SLC6A9: variants seen among roughly 807,000 people sequenced by gnomAD.
SLC6A9 encodes the protein solute carrier family 6 member 9.
A neutral mutation model predicts 70.9 loss-of-function variants in SLC6A9; 31 were observed. That is an observed-to-expected ratio of 0.44 (90% CI 0.33 to 0.59). The LOEUF is 0.59. Among genes scored for constraint, SLC6A9 ranks in the 20% least tolerant of loss-of-function variants. SLC6A9 has a pLI of 0.04. For missense variants in SLC6A9, 631 were observed against 845.2 expected (o/e 0.75, Z 3.14); for synonymous variants, 310 against 341.3 (o/e 0.91, Z 1.01).
intron 4 of SLC6A9, 49 bp downstream of exon 4, chr1:44,009,916 C>T: frequency 6.3e-7 from 1 of 1,596,758 alleles, no homozygotes; most frequent in Non-Finnish European, 8.5e-7. Context: ...CCCTCAGAGG[C>T]CGTTGTGTGT....
intron 2 of SLC6A9, chr1:44,016,916 T>C: frequency 5.6e-6 from 5 of 894,722 alleles, no homozygotes; most frequent in Non-Finnish European, 8.1e-6. Flanking sequence ...TTGGCTGGTG[T>C]CTGTCTTGCT....
intron 3 of SLC6A9, chr1:44,010,336 G>C: frequency 1.9e-6 from 1 of 522,226 alleles, no homozygotes; most frequent in Non-Finnish European, 3.4e-6. Context: ...CCATACTTGG[G>C]TGGGATTTGA....
chr1:43,997,458 G>A lies in SLC6A9; in HGVS notation c.*87C>T, dbSNP rs1261886085. The stretch of plus-strand genomic sequence containing the variant: ...CGTCCTGGCCAGGGCGTGGCAGGGG[G>A]CAGGCAGAGACACCTGGCCTCTGCC... On this transcript the variant is annotated 3_prime_UTR_variant, in exon 14 of 14. Transcript: ENST00000372310. This position sits in a 1 kb window ranked among gnomAD's most constrained non-coding sequence, Gnocchi z 4.4. 2.5e-6 allele frequency: 3 copies of A among 1,203,746 alleles called. No homozygotes were observed. The African/African-American group carries it at 4.6e-5, about 18-fold the overall frequency. 74.6% of individuals were successfully genotyped at this position (1,203,746 alleles called of 1,614,324 possible). A position where few individuals can be genotyped will look rare whatever the true frequency, so the allele number is the denominator to read the frequency against.
intron 2 of SLC6A9, among the ~76,000 whole-genome samples, chr1:44,021,608 T>C (rs6429644): frequency 0.27 from 40,492 of 152,174 alleles, 12,181 homozygotes; most frequent in African/African-American, 0.75. Context: ...AGGGCACAAA[T>C]AGAGCAGCAG....
In SLC6A9 at chr1:44,024,343, C is replaced by T. The variant is rs2086943189; in HGVS notation, c.-66G>A. 6.3e-7 allele frequency: 1 copy of T among 1,583,636 alleles called. No individual in the cohort carries two copies. On this transcript the variant is annotated 5_prime_UTR_variant, in exon 2 of 14. It removes the in-frame stop codon of an upstream open reading frame in the 5' UTR. Transcript: ENST00000372310. ...CACAGGCTCTGCTTCCAGCGCCTTT[C>T]AGGCCACAGATCTCAAGAGCTGTGG... is the stretch of plus-strand genomic sequence containing the variant.
chr1:44,014,404 G>A (rs2086672294), intron 2 of SLC6A9, among the ~76,000 whole-genome samples: 1 of 151,924 alleles, frequency 6.6e-6, no homozygotes, highest in South Asian at 2.1e-4. Context: ...AAGGAATGGA[G>A]GCTTTCCTTC....
At chr1:44,010,329 T>A in intron 3 of SLC6A9, 1 of 526,540 alleles carries the variant, frequency 1.9e-6, no homozygotes, top group Non-Finnish European at 3.4e-6. Context: ...AGAGCCTCCA[T>A]ACTTGGGTGG....
At chr1:44,012,490 A>C (rs534336534) in intron 2 of SLC6A9, among the ~76,000 whole-genome samples, 5 of 152,396 alleles carry the variant, frequency 3.3e-5, no homozygotes, top group African/African-American at 1.2e-4. Context: ...CACCCAGAGC[A>C]AATCAGTGGC....
rs2086940825 is a variant in SLC6A9 at position 44,024,238 on chromosome 1, CTG to C, written c.30+8_30+9del. ...CCCGTTCCTTCCCGCAGTCTGGCCTCTGTACTCACCAGCATCCCTTTGGCACC... is the reference window on the plus strand; with the variant it reads ...CCCGTTCCTTCCCGCAGTCTGGCCTCTACTCACCAGCATCCCTTTGGCACC... On this transcript the variant is annotated splice_region_variant and intron_variant, in intron 2 of 13. Transcript: ENST00000372310. The C allele has an allele frequency of 3.1e-6, 5 of 1,614,014 alleles. No individual in the cohort carries two copies. The South Asian group carries it at 5.5e-5, about 18-fold the overall frequency.
intron 5 of SLC6A9, among the ~76,000 whole-genome samples, 162 bp downstream of exon 5, chr1:44,008,191 C>T (rs113526782): frequency 0.013 from 1,962 of 152,294 alleles, 42 homozygotes; most frequent in African/African-American, 0.045. Flanking sequence ...GCTTTCTGTA[C>T]ATCAGGCTCT....
chr1:44,016,858 C>T (rs2086762846), intron 2 of SLC6A9, among the ~76,000 whole-genome samples: 1 of 152,298 alleles, frequency 6.6e-6, no homozygotes, highest in East Asian at 1.9e-4. Flanking sequence ...CACCACACAG[C>T]TAACTCTTCC....
chr1:44,006,879 T>C (rs928065165), intron 5 of SLC6A9, among the ~76,000 whole-genome samples: 3 of 152,314 alleles, frequency 2.0e-5, no homozygotes, highest in South Asian at 2.1e-4. Flanking sequence ...GTCAGAGTAC[T>C]TGGACCTGGG....
At chr1:44,007,841 T>C (rs1571870554) in intron 5 of SLC6A9, among the ~76,000 whole-genome samples, 2 of 152,000 alleles carry the variant, frequency 1.3e-5, no homozygotes, top group East Asian at 3.9e-4. Flanking sequence ...TCCTCACGGC[T>C]ACTCTGTAAA....
Position 44,002,493 on chromosome 1 carries a change from G to T in SLC6A9, c.858+19C>A, listed in dbSNP as rs777615104. ...CCTGGCCCCTCCCCAGCCCCCTTCC[G>T]GTTTCCCTCACTTCCCACCTTGGCC... On this transcript the variant is annotated intron_variant, in intron 7 of 13. Coordinates refer to ENST00000372310, the MANE Select transcript of SLC6A9 (RefSeq NM_001024845.3). The surrounding 1 kb of genome is among the most constrained non-coding windows in gnomAD (Gnocchi z 5.5). 1.2e-6 allele frequency: 2 copies of T among 1,613,876 alleles called. No homozygotes were observed. Among genetic ancestry groups the T allele is most frequent in the Non-Finnish European group, 1.7e-6 (2 of 1,179,948 alleles).
intron 12 of SLC6A9, among the ~76,000 whole-genome samples, chr1:43,999,103 C>T (rs555904994): frequency 4.6e-5 from 7 of 152,120 alleles, no homozygotes; most frequent in East Asian, 2.0e-4. Context: ...ACACTGCACA[C>T]GATGGGAGCT....
chr1:44,022,634 G>A (rs2086903915), intron 2 of SLC6A9, among the ~76,000 whole-genome samples: 1 of 151,818 alleles, frequency 6.6e-6, no homozygotes, highest in Non-Finnish European at 1.5e-5. Context: ...AACAGGGCCA[G>A]ATAGAAGATC....
chr1:44,008,402 G>A lies in SLC6A9; in HGVS notation c.541C>T (p.Leu181=). 4 of 1,614,114 alleles carry A rather than the reference G, an allele frequency of 2.5e-6. No individual in the cohort carries two copies. The highest frequency in any genetic ancestry group is 3.4e-6 in the Non-Finnish European group (4 of 1,179,946). ...GTCCTCTGGAGGCTGTGGTTGAGCA[G>A]GTGGGAGAGGTTGCTGGGCAAGGCG... The part of the protein sequence containing the change: ...PAALPSNLSH[L]LNHSLQRTSP... Residue 181 remains leucine, a synonymous_variant, in exon 5 of 14, where the codon CTG becomes TTG. Transcript: ENST00000372310.
In SLC6A9 at chr1:44,019,851, C is replaced by A. The variant is rs551865090; in HGVS notation, c.30+4397G>T. Among the ~76,000 whole-genome samples, 4 of 152,280 alleles carry A rather than the reference C, an allele frequency of 2.6e-5. No individual in the cohort carries two copies. In the East Asian group the frequency reaches 7.7e-4, roughly 29 times the overall value. ...TCCCCTGTGACTCTGGAGGGAAGGT[C>A]CCGCTGAGCTGGGACTGAGAAGTGC... On this transcript the variant is annotated intron_variant, in intron 2 of 13. Coordinates refer to ENST00000372310, the MANE Select transcript of SLC6A9 (RefSeq NM_001024845.3).
rs1486168949 is a variant in SLC6A9 at position 44,010,754 on chromosome 1, G to A, written c.159C>T (p.Phe53=). 6.2e-7 allele frequency: 1 copy of A among 1,614,012 alleles called. No individual in the cohort carries two copies. The highest frequency in any genetic ancestry group is 1.7e-5 in the Admixed American group (1 of 60,008). ...CCCCGTTGCGATAGCAGAGGTATGG[G>A]AAGCGCCAGACATTGCCCAGGCCCA... ...YAVGLGNVWR[F]PYLCYRNGGG... The change falls in exon 3 of 14, where the codon TTC becomes TTT. Residue 53 remains phenylalanine, a synonymous_variant. Coordinates refer to ENST00000372310, the MANE Select transcript of SLC6A9 (RefSeq NM_001024845.3).
Sources: gnomAD v4.1 joint callset for allele counts (sites outside exome capture counted in the v4.1 genomes callset) on GRCh38, gnomAD v4.1.1 for gene constraint, Gnocchi (gnomAD v3.1) non-coding constraint, MANE v1.5 for transcripts, NCBI Gene and HGNC (gene_info 2026-07-23, HGNC 2026-07-21) for gene names.